The following TRAPPC9 variants were observed in gnomAD, a reference collection of about 807,000 sequenced individuals.
The protein encoded by TRAPPC9 is IKK2 binding protein.
TRAPPC9 carries 83 observed loss-of-function variants against 124.0 expected under a neutral mutation model. The observed-to-expected ratio is 0.67, with a 90% CI of 0.56 to 0.80. TRAPPC9 has a LOEUF of 0.80. Ranked by LOEUF, TRAPPC9 falls within the 30% of genes least tolerant of loss-of-function variation. The probability of loss-of-function intolerance (pLI) is 0.00; values close to 1 mark genes in which losing one functional copy is unlikely to be tolerated. For synonymous variants in TRAPPC9, 638 were observed against 617.5 expected, an observed-to-expected ratio of 1.03 and a Z score of -0.49; for missense variants, 1,302 against 1,508.3, an observed-to-expected ratio of 0.86 and a Z score of 2.27.
chr8:140,233,654 A>ACACACACACACACAC (rs1563868284), intron 16 of TRAPPC9, among the ~76,000 whole-genome samples: 9 of 38,202 alleles, frequency 2.4e-4, no homozygotes, highest in African/African-American at 7.6e-4. Flanking sequence ...CACACACATA[A>ACACACACACACACAC]ACACACCCTC....
intron 17 of TRAPPC9, among the ~76,000 whole-genome samples, chr8:140,123,117 A>C (rs2061018200): frequency 1.3e-5 from 2 of 152,020 alleles, no homozygotes; most frequent in Admixed American, 6.5e-5. Flanking sequence ...TTACCCCTTT[A>C]AATCTGATCC....
chr8:139,748,139 T>A (rs77346647), intron 21 of TRAPPC9, among the ~76,000 whole-genome samples: 12 of 4,572 alleles, frequency 2.6e-3, no homozygotes, highest in Admixed American at 9.5e-3. Context: ...CACAGCAGGT[T>A]GGGGGGGCGT....
At chr8:140,006,492 CT>C (rs1385661041) in intron 18 of TRAPPC9, among the ~76,000 whole-genome samples, 4 of 152,294 alleles carry the variant, frequency 2.6e-5, no homozygotes, top group East Asian at 3.9e-4. Flanking sequence ...AGCAATTCCA[CT>C]CCTAGGTTTG....
chr8:140,311,301 G>T lies in TRAPPC9; in HGVS notation c.1569C>A (p.Leu523=). 1 of 1,613,822 alleles carries T rather than the reference G, an allele frequency of 6.2e-7. No homozygotes were observed. ...CCGGTGGCAGGGTGAGGCCGCCAGG[G>T]AGGGCGATGGGCTCCATGGTCCCAG... The part of the protein sequence containing the change: ...KCPGTMEPIA[L]PGGLTLPPVP... Residue 523 remains leucine (L), a synonymous_variant, in exon 10 of 23, where the codon CTC becomes CTA. Coordinates refer to ENST00000438773, the MANE Select transcript of TRAPPC9 (RefSeq NM_001160372.4).
intron 21 of TRAPPC9, among the ~76,000 whole-genome samples, chr8:139,871,589 C>T (rs1200937771): frequency 1.3e-5 from 2 of 152,184 alleles, no homozygotes; most frequent in Admixed American, 6.5e-5. Context: ...GCCCCATGTC[C>T]CATTCCCCCA....
At chr8:140,149,737 G>C (rs1048049720) in intron 17 of TRAPPC9, among the ~76,000 whole-genome samples, 1 of 152,042 alleles carries the variant, frequency 6.6e-6, no homozygotes. Context: ...TCGAATGTAC[G>C]TGAGTCATCA....
chr8:139,855,964 T>G (rs146911864), intron 21 of TRAPPC9, among the ~76,000 whole-genome samples: 58 of 152,284 alleles, frequency 3.8e-4, no homozygotes, highest in African/African-American at 1.2e-3. Flanking sequence ...TAGAATTGGG[T>G]TCAAATTCTT....
At chr8:140,438,410 T>C (rs1181926927) in intron 3 of TRAPPC9, among the ~76,000 whole-genome samples, 3 of 152,162 alleles carry the variant, frequency 2.0e-5, no homozygotes, top group African/African-American at 7.2e-5. Context: ...ATTCATCATG[T>C]GACACATGGA....
At chr8:140,228,786 C>T (rs535340453) in intron 16 of TRAPPC9, among the ~76,000 whole-genome samples, 283 of 152,262 alleles carry the variant, frequency 1.9e-3, no homozygotes, top group Non-Finnish European at 3.1e-3. Context: ...AATTGTGCCT[C>T]ACGTGAATTC....
At chr8:139,833,946 C>T (rs1373622329) in intron 21 of TRAPPC9, among the ~76,000 whole-genome samples, 1 of 152,126 alleles carries the variant, frequency 6.6e-6, no homozygotes, top group Admixed American at 6.5e-5. Context: ...GGTGCCTTGG[C>T]GGTGGAGGAA....
At chr8:139,810,697 G>A (rs1372716415) in intron 21 of TRAPPC9, among the ~76,000 whole-genome samples, 1 of 152,188 alleles carries the variant, frequency 6.6e-6, no homozygotes, top group East Asian at 1.9e-4. Flanking sequence ...GAGGGATGAA[G>A]GCAAAGTCCT....
At chr8:140,125,688 G>A (rs563736718) in intron 17 of TRAPPC9, among the ~76,000 whole-genome samples, 4 of 142,006 alleles carry the variant, frequency 2.8e-5, no homozygotes, top group Non-Finnish European at 4.5e-5. Context: ...TCCACCTCCC[G>A]GGTTCATGCC....
chr8:140,063,764 C>A lies in TRAPPC9; in HGVS notation c.2557-39685G>T, dbSNP rs115287432. ...TTTCCTTAAGAGCGGGACTTGCGGG[C>A]GGGGTATGCATCAAATTTCTCCGAG... On this transcript the variant is annotated intron_variant, in intron 17 of 22. Transcript: ENST00000438773. The surrounding 1 kb of genome is among the most constrained non-coding windows in gnomAD (Gnocchi z 4.3). Among the ~76,000 whole-genome samples, 1,620 of 152,174 alleles carry A rather than the reference C, an allele frequency of 0.011. 28 individuals carry two copies. The highest frequency in any genetic ancestry group is 0.037 in the African/African-American group (1,539 of 41,512).
At chr8:139,871,883 C>T (rs958511489) in intron 21 of TRAPPC9, among the ~76,000 whole-genome samples, 3 of 152,026 alleles carry the variant, frequency 2.0e-5, no homozygotes, top group African/African-American at 7.3e-5. Context: ...TAGTGGGTGG[C>T]TGGATGAATG....
At chr8:139,801,383 G>A (rs1312427116) in intron 21 of TRAPPC9, among the ~76,000 whole-genome samples, 4 of 152,240 alleles carry the variant, frequency 2.6e-5, no homozygotes, top group African/African-American at 7.2e-5. Context: ...GAGCAAAGCC[G>A]CAGGCATCAG....
chr8:139,784,600 AAGAC>A (rs1237731095), intron 21 of TRAPPC9, among the ~76,000 whole-genome samples: 17 of 83,560 alleles, frequency 2.0e-4, no homozygotes, highest in African/African-American at 7.2e-4. Flanking sequence ...AAATAAATAA[AAGAC>A]TGACATATAT....
chr8:140,278,490 A>T (rs948433212), intron 14 of TRAPPC9, among the ~76,000 whole-genome samples: 1 of 152,226 alleles, frequency 6.6e-6, no homozygotes, highest in African/African-American at 2.4e-5. Context: ...TATGTATTGA[A>T]CAAATTAATA....
chr8:140,235,467 T>TA (rs1041263550), intron 16 of TRAPPC9, among the ~76,000 whole-genome samples: 7 of 151,952 alleles, frequency 4.6e-5, no homozygotes, highest in African/African-American at 1.5e-4. Context: ...AATAACCCAA[T>TA]AAAAAAATGA....
At chr8:140,212,578 A>T (rs1162666649) in intron 17 of TRAPPC9, among the ~76,000 whole-genome samples, 1 of 152,024 alleles carries the variant, frequency 6.6e-6, no homozygotes, top group East Asian at 1.9e-4. Context: ...TTCCCCCATG[A>T]TCTCTTTGCC....
Sources: gnomAD v4.1 joint callset for allele counts (sites outside exome capture counted in the v4.1 genomes callset) on GRCh38, gnomAD v4.1.1 for gene constraint, Gnocchi (gnomAD v3.1) non-coding constraint, MANE v1.5 for transcripts, NCBI Gene and HGNC (gene_info 2026-07-23, HGNC 2026-07-21) for gene names.